Variants in KYNU observed in about 807,000 individuals in gnomAD.
KYNU encodes the protein L-kynurenine hydrolase.
Under a neutral mutation model 59.2 loss-of-function variants are expected in KYNU, and 54 were observed. The ratio of observed to expected loss-of-function variants is 0.91; its 90% CI spans 0.73 to 1.14. The LOEUF is 1.14. Among genes scored for constraint, KYNU ranks in the 50% most tolerant of loss-of-function variants. The pLI is 0.00. For synonymous variants in KYNU, 177 were observed against 192.0 expected (o/e 0.92, Z 0.65); for missense variants, 567 against 554.4 (o/e 1.02, Z -0.23).
At chr2:143,037,460 A>G (rs1002327827) in intron 12 of KYNU, among the ~76,000 whole-genome samples, 4 of 152,250 alleles carry the variant, frequency 2.6e-5, no homozygotes, top group African/African-American at 9.6e-5. Flanking sequence ...AAGTTAGAGC[A>G]TTCAATTAAA....
chr2:142,906,816 C>T (rs71423223), intron 2 of KYNU, among the ~76,000 whole-genome samples: 35,152 of 152,020 alleles, frequency 0.23, 5,015 homozygotes, highest in South Asian at 0.4. Context: ...TGATCTCGAC[C>T]GGCCAATGCC....
chr2:142,978,770 C>T (rs898707053), intron 8 of KYNU, among the ~76,000 whole-genome samples: 7 of 152,110 alleles, frequency 4.6e-5, no homozygotes, highest in South Asian at 2.1e-4. Context: ...ATATCAGCCC[C>T]GGGTATAGTG....
intron 10 of KYNU, among the ~76,000 whole-genome samples, chr2:143,014,220 A>G (rs1686190624): frequency 6.6e-6 from 1 of 152,216 alleles, no homozygotes; most frequent in Non-Finnish European, 1.5e-5. Context: ...TTCCATCATC[A>G]GATCTTCTCA....
chr2:142,977,372 G>GAGTTAT (rs1553484697), intron 8 of KYNU, among the ~76,000 whole-genome samples: 1 of 131,152 alleles, frequency 7.6e-6, no homozygotes, highest in African/African-American at 2.9e-5. Context: ...ATTTTGTGTG[G>GAGTTAT]ATATATATAT....
intron 8 of KYNU, among the ~76,000 whole-genome samples, chr2:142,969,187 C>CAT (rs1684637876): frequency 1.3e-5 from 2 of 152,118 alleles, no homozygotes; most frequent in East Asian, 1.9e-4. Flanking sequence ...CAAACACACA[C>CAT]ATATATATAT....
rs537185881 is a variant in KYNU, at chr2:143,014,907, G to A, written c.903-14720G>A. Among the ~76,000 whole-genome samples the A allele has an allele frequency of 4.6e-5, 7 of 152,150 alleles. No homozygotes were observed. The East Asian group carries it at 7.7e-4, about 17-fold the overall frequency. On this transcript the variant is annotated intron_variant, in intron 10 of 13. Coordinates refer to ENST00000264170, the MANE Select transcript of KYNU (RefSeq NM_003937.3). Reference sequence around the variant, plus strand: ...GTTTGTTTATTTGTTTTTTGGGTTCGTTTAGAGACAGGGTCTGGCTCCGTC... The same window carrying A: ...GTTTGTTTATTTGTTTTTTGGGTTCATTTAGAGACAGGGTCTGGCTCCGTC...
intron 4 of KYNU, among the ~76,000 whole-genome samples, chr2:142,939,639 A>T (rs1005454321): frequency 1.1e-4 from 16 of 149,948 alleles, no homozygotes; most frequent in Non-Finnish European, 2.2e-4. Context: ...AGAAAAAGAA[A>T]AGATAACAGA....
chr2:142,936,629 C>T (rs950635020), intron 4 of KYNU, among the ~76,000 whole-genome samples: 1 of 152,218 alleles, frequency 6.6e-6, no homozygotes, highest in South Asian at 2.1e-4. Context: ...CAGCAACTGC[C>T]TGGCACACAC....
At chr2:142,973,969 A>C (rs1274534971) in intron 8 of KYNU, among the ~76,000 whole-genome samples, 1 of 152,208 alleles carries the variant, frequency 6.6e-6, no homozygotes, top group East Asian at 1.9e-4. Flanking sequence ...ACATGTTCTA[A>C]CACCACCCAA....
chr2:142,926,584 G>A (rs1317038045), intron 3 of KYNU, among the ~76,000 whole-genome samples: 6 of 152,196 alleles, frequency 3.9e-5, no homozygotes, highest in Non-Finnish European at 8.8e-5. Flanking sequence ...CTCATGTAGA[G>A]GAAGAGTTCC....
intron 10 of KYNU, among the ~76,000 whole-genome samples, chr2:143,003,250 T>A (rs1685762576): frequency 6.6e-6 from 1 of 152,190 alleles, no homozygotes; most frequent in South Asian, 2.1e-4. Context: ...CCAATCCTGA[T>A]TCTGATATTT....
chr2:142,957,352 T>C (rs1684200672), intron 6 of KYNU, among the ~76,000 whole-genome samples: 1 of 152,124 alleles, frequency 6.6e-6, no homozygotes, highest in Non-Finnish European at 1.5e-5. Flanking sequence ...TTTTGCAAAT[T>C]CTGGTTTTGA....
chr2:143,010,185 C>A (rs1490167247), intron 10 of KYNU, among the ~76,000 whole-genome samples: 2 of 127,396 alleles, frequency 1.6e-5, no homozygotes, highest in Non-Finnish European at 3.2e-5. Context: ...CCAAAATCTC[C>A]TTAAGCTGAT....
intron 8 of KYNU, among the ~76,000 whole-genome samples, chr2:142,972,294 A>G (rs1340778021): frequency 6.6e-6 from 1 of 152,018 alleles, no homozygotes; most frequent in East Asian, 1.9e-4. Context: ...CTTTCTTCCA[A>G]ACCCTTTACT....
At chr2:142,979,116 G>A (rs1385030038) in intron 8 of KYNU, among the ~76,000 whole-genome samples, 1 of 152,044 alleles carries the variant, frequency 6.6e-6, no homozygotes, top group Non-Finnish European at 1.5e-5. Flanking sequence ...TTTTAGTTTT[G>A]TGTTAGTGAA....
intron 10 of KYNU, among the ~76,000 whole-genome samples, chr2:143,012,063 T>TA (rs761883397): frequency 0.25 from 32,224 of 126,574 alleles, 3,954 homozygotes; most frequent in East Asian, 0.51. Context: ...TAAAGTATAA[T>TA]AAAAAAAAAA....
chr2:143,055,018 T>C lies in KYNU; in HGVS notation c.*12846T>C, dbSNP rs1408730562. The C allele has an allele frequency of 6.6e-6, 1 of 152,080 alleles. No homozygotes were observed. Among genetic ancestry groups the C allele is most frequent in the Non-Finnish European group, 1.5e-5 (1 of 68,024 alleles). 9.4% of individuals were successfully genotyped at this position (152,080 alleles called of 1,614,324 possible). On this transcript the variant is annotated 3_prime_UTR_variant, in exon 14 of 14. Transcript: ENST00000264170. Reference sequence around the variant, plus strand: ...GAGTAAGAAGCTATTCATATTTCTATATATATATACCAAGTACATAGGAGT... The same window carrying C: ...GAGTAAGAAGCTATTCATATTTCTACATATATATACCAAGTACATAGGAGT...
intron 8 of KYNU, among the ~76,000 whole-genome samples, chr2:142,970,891 C>T (rs1478930201): frequency 6.6e-6 from 1 of 152,076 alleles, no homozygotes; most frequent in South Asian, 2.1e-4. Context: ...TTTGTGCCTC[C>T]TTGTCTTCCT....
rs563658098 is a variant in KYNU at position 142,961,536 on chromosome 2, A to G, written c.729+766A>G. 5.3e-5 allele frequency among the ~76,000 whole-genome samples: 8 copies of G among 152,308 alleles called. 1 individual carries two copies. In the South Asian group the frequency reaches 1.7e-3, roughly 32 times the overall value. ...TTCACTTAATGCTGAGTATCTAAAG[A>G]TGAAGAAATGCAGAATTCAATTTTA... On this transcript the variant is annotated intron_variant, in intron 8 of 13. Coordinates refer to ENST00000264170, the MANE Select transcript of KYNU (RefSeq NM_003937.3).
Sources: gnomAD v4.1 joint callset for allele counts (sites outside exome capture counted in the v4.1 genomes callset) on GRCh38, gnomAD v4.1.1 for gene constraint, MANE v1.5 for transcripts, NCBI Gene and HGNC (gene_info 2026-07-23, HGNC 2026-07-21) for gene names.